The following ATG13 variants were observed in gnomAD, a reference collection of about 807,000 sequenced individuals.
ATG13 encodes the protein autophagy-related protein 13.
A neutral mutation model predicts 65.5 loss-of-function variants in ATG13; 23 were observed. The observed-to-expected ratio is 0.35, with a 90% CI of 0.25 to 0.50. The LOEUF (loss-of-function observed/expected upper bound fraction) is 0.50, where lower values mean the gene tolerates loss of function less well. Ranked by LOEUF, ATG13 falls within the 20% of genes least tolerant of loss-of-function variation. The pLI is 0.98. For missense variants in ATG13, 566 were observed against 677.0 expected, an observed-to-expected ratio of 0.84 and a Z score of 1.82; for synonymous variants, 252 against 245.2, an observed-to-expected ratio of 1.03 and a Z score of -0.26.
At chr11:46,631,865 A>G (rs966970683) in intron 2 of ATG13, among the ~76,000 whole-genome samples, 5 of 152,280 alleles carry the variant, frequency 3.3e-5, no homozygotes, top group South Asian at 2.1e-4. Flanking sequence ...GGATGACAGA[A>G]CAAGACCTTG....
intron 17 of ATG13, 89 bp from the exon 18 acceptor site, chr11:46,669,315 T>C (rs1230682840): frequency 6.7e-6 from 10 of 1,497,480 alleles, no homozygotes; most frequent in Non-Finnish European, 9.1e-6. Flanking sequence ...AAAGAACCTT[T>C]TGATAATTGC....
chr11:46,626,942 C>G (rs1421227015), intron 1 of ATG13, among the ~76,000 whole-genome samples: 1 of 152,142 alleles, frequency 6.6e-6, no homozygotes, highest in Non-Finnish European at 1.5e-5. Flanking sequence ...TCTGCTCTTC[C>G]ACTGTTAGTT....
chr11:46,635,726 G>C (rs1377800687), intron 2 of ATG13, among the ~76,000 whole-genome samples: 1 of 152,130 alleles, frequency 6.6e-6, no homozygotes, highest in African/African-American at 2.4e-5. Flanking sequence ...GAACACATAG[G>C]CCTGGGAGAT....
intron 1 of ATG13, among the ~76,000 whole-genome samples, chr11:46,624,415 G>T (rs1196113300): frequency 1.3e-5 from 2 of 151,938 alleles, no homozygotes; most frequent in Admixed American, 6.6e-5. Context: ...AGAAATCCAG[G>T]AACTGGTCCA....
intron 18 of ATG13, among the ~76,000 whole-genome samples, chr11:46,671,525 C>G (rs952514892): frequency 1.3e-5 from 2 of 152,142 alleles, no homozygotes; most frequent in Non-Finnish European, 1.5e-5. Context: ...ATCACAACAT[C>G]AGGAGTTCAA....
intron 5 of ATG13, among the ~76,000 whole-genome samples, chr11:46,647,055 CTTA>C (rs987970635): frequency 6.6e-6 from 1 of 152,020 alleles, no homozygotes; most frequent in Non-Finnish European, 1.5e-5. Flanking sequence ...GGTTTTTGAA[CTTA>C]TTATTCCAAC....
chr11:46,662,098 A>G (rs1010874212), intron 11 of ATG13, among the ~76,000 whole-genome samples: 1 of 152,188 alleles, frequency 6.6e-6, no homozygotes, highest in Non-Finnish European at 1.5e-5. Context: ...TTACTGACAC[A>G]GAGTAGCATT....
In ATG13 at chr11:46,622,116, TA is replaced by T. The variant is rs1565398630; in HGVS notation, c.-70+4227del. ...ATATATATATATATATATATATATA[TA>T]TATATATATATTTATTTTAGAGATG... On this transcript the variant is annotated intron_variant, in intron 1 of 18. Coordinates refer to ENST00000683050, the MANE Select transcript of ATG13 (RefSeq NM_001346311.2). Among the ~76,000 whole-genome samples the T allele has an allele frequency of 5.3e-3, 486 of 92,374 alleles. 9 individuals carry two copies. The highest frequency in any genetic ancestry group is 0.02 in the African/African-American group (411 of 20,784). 60.6% of individuals were successfully genotyped at this position (92,374 alleles called of 152,430 possible).
intron 4 of ATG13, 104 bp downstream of exon 4, chr11:46,645,523 A>G: frequency 2.1e-6 from 2 of 943,428 alleles, no homozygotes; most frequent in Non-Finnish European, 3.2e-6. Flanking sequence ...TAGTATTATA[A>G]AAGTAAAATA....
At chr11:46,662,649 A>C (rs2061430470) in intron 11 of ATG13, among the ~76,000 whole-genome samples, 1 of 152,204 alleles carries the variant, frequency 6.6e-6, no homozygotes, top group African/African-American at 2.4e-5. Context: ...TTGGTACAAA[A>C]ATACTCAATT....
At chr11:46,634,697 GT>G in intron 2 of ATG13, among the ~76,000 whole-genome samples, 1 of 150,774 alleles carries the variant, frequency 6.6e-6, no homozygotes, top group Non-Finnish European at 1.5e-5. Flanking sequence ...GCCCAGCCTA[GT>G]TTTTTTGTTT....
chr11:46,662,793 C>A (rs1244984404), intron 11 of ATG13, among the ~76,000 whole-genome samples: 2 of 152,178 alleles, frequency 1.3e-5, no homozygotes, highest in East Asian at 3.8e-4. Flanking sequence ...TCAGCAACTT[C>A]TATTGGAGCT....
chr11:46,663,947 T>TC, intron 11 of ATG13, 50 bp from the exon 12 acceptor site: 1 of 552,758 alleles, frequency 1.8e-6, no homozygotes, highest in Non-Finnish European at 2.5e-6. Context: ...TCCCTTTTCT[T>TC]TTTTTTTTTT....
chr11:46,663,115 A>C (rs2061518246), intron 11 of ATG13, among the ~76,000 whole-genome samples: 1 of 151,870 alleles, frequency 6.6e-6, no homozygotes, highest in South Asian at 2.1e-4. Context: ...AATACAAAAA[A>C]ATTAGCCAGG....
Position 46,672,681 on chromosome 11 carries a change from G to T in ATG13, c.*349G>T. On this transcript the variant is annotated 3_prime_UTR_variant, in exon 19 of 19. Transcript: ENST00000683050. ...TGCTGCCGGCCTCCTGCCTGGGCCTGCCTTGCAGCTGGCCCCTTCCCTGCC... is the reference window on the plus strand; with the variant it reads ...TGCTGCCGGCCTCCTGCCTGGGCCTTCCTTGCAGCTGGCCCCTTCCCTGCC... 2 of 1,370,842 alleles carry T rather than the reference G, an allele frequency of 1.5e-6. No homozygotes were observed. Among genetic ancestry groups the T allele is most frequent in the Non-Finnish European group, 1.9e-6 (2 of 1,035,376 alleles). 84.9% of individuals were successfully genotyped at this position (1,370,842 alleles called of 1,614,324 possible).
chr11:46,671,610 G>T (rs111832020), intron 18 of ATG13, among the ~76,000 whole-genome samples: 2 of 152,124 alleles, frequency 1.3e-5, no homozygotes, highest in East Asian at 3.9e-4. Context: ...GGTGACGGGC[G>T]CCTCAGGAGG....
At chr11:46,643,406 G>A (rs974588967) in intron 2 of ATG13, among the ~76,000 whole-genome samples, 14 of 151,990 alleles carry the variant, frequency 9.2e-5, no homozygotes, top group African/African-American at 2.9e-4. Context: ...CCTCAGCTGC[G>A]GGAGTCTATT....
chr11:46,618,826 A>G (rs2046288055), intron 1 of ATG13, among the ~76,000 whole-genome samples: 2 of 151,636 alleles, frequency 1.3e-5, no homozygotes, highest in East Asian at 3.9e-4. Flanking sequence ...AATTTTTATT[A>G]TTATTATTAG....
intron 1 of ATG13, among the ~76,000 whole-genome samples, chr11:46,623,285 C>G (rs1182534159): frequency 6.6e-6 from 1 of 151,806 alleles, no homozygotes; most frequent in African/African-American, 2.4e-5. Flanking sequence ...CAGAGCAAGA[C>G]CCCGTCTCAA....
Sources: allele counts gnomAD v4.1 joint callset (sites outside exome capture counted in the v4.1 genomes callset), GRCh38; gene constraint gnomAD v4.1.1; transcripts MANE v1.5; gene names NCBI Gene and HGNC (gene_info 2026-07-23, HGNC 2026-07-21).